The following FAM83E variants were observed in gnomAD, a reference collection of about 807,000 sequenced individuals.
FAM83E encodes the protein scaffolding CK1 anchoring protein E.
FAM83E carries 29 observed loss-of-function variants against 34.3 expected under a neutral mutation model. The observed-to-expected ratio is 0.85, with a 90% CI of 0.63 to 1.15. The LOEUF (loss-of-function observed/expected upper bound fraction) is 1.15, where lower values mean the gene tolerates loss of function less well. Ranked by LOEUF, FAM83E falls within the 50% of genes most tolerant of loss-of-function variation. The pLI is 0.00. For missense variants in FAM83E, 697 were observed against 685.0 expected, an observed-to-expected ratio of 1.02 and a Z score of -0.20; for synonymous variants, 312 against 311.6, an observed-to-expected ratio of 1.00 and a Z score of -0.01.
Position 48,601,250 on chromosome 19 carries a change from G to A in FAM83E, c.1296C>T (p.Pro432=), listed in dbSNP as rs759428572. The A allele has an allele frequency of 1.4e-5, 23 of 1,603,866 alleles. No individual in the cohort carries two copies. In the South Asian group the frequency reaches 2.4e-4, roughly 17 times the overall value. ...AGCGGAGGCGGTGGGCGGGGGGCAG[G>A]GGCAGGGCACCGCCCCACGGAGGTC... ...DSRPPWGGAL[P]LPPAHRLRYL... is the part of the protein sequence containing the mutation. Residue 432 remains proline, a synonymous_variant, in exon 7 of 7, where the codon CCC becomes CCT. Transcript: ENST00000263266.
Position 48,613,187 on chromosome 19 carries a change from A to C in FAM83E, c.186T>G (p.Asp62Glu), listed in dbSNP as rs772351706. The change falls in exon 3 of 7, where the codon GAT becomes GAG. Residue 62 changes from aspartate to glutamate, a missense_variant. Coordinates refer to ENST00000263266, the MANE Select transcript of FAM83E (RefSeq NM_017708.4). ...REELWPFLSA[D>E]EVQGLAAAAE... ...CTGCCGCTGCCAAGCCCTGAACCTC[A>C]TCCGCACTGAGGAAGGGCCACAGCT... is the stretch of plus-strand genomic sequence containing the variant. The C allele has an allele frequency of 4.4e-5, 71 of 1,611,662 alleles. 1 individual carries two copies. Among genetic ancestry groups the C allele is most frequent in the Non-Finnish European group, 7.6e-6 (9 of 1,179,924 alleles).
Position 48,607,248 on chromosome 19 carries a change from C to T in FAM83E, c.758+2628G>A, listed in dbSNP as rs146857254. 3 of 1,609,466 alleles carry T rather than the reference C, an allele frequency of 1.9e-6. No homozygotes were observed. In the African/African-American group the frequency reaches 4.0e-5, roughly 21 times the overall value. ...TCACCTACAGCCTCACCACCAACTG[C>T]TGCACCGGCCGCCTGTGTAACAGAG... On this transcript the variant is annotated intron_variant, in intron 5 of 6. Coordinates refer to ENST00000263266, the MANE Select transcript of FAM83E (RefSeq NM_017708.4).
rs768756786 is a variant in FAM83E at position 48,601,764 on chromosome 19, CA to C, written c.1177-396del. Among the ~76,000 whole-genome samples, 237 of 109,076 alleles carry C rather than the reference CA, an allele frequency of 2.2e-3. 5 individuals carry two copies. The highest frequency in any genetic ancestry group is 0.018 in the East Asian group (65 of 3,676). 71.6% of individuals were successfully genotyped at this position (109,076 alleles called of 152,430 possible). A position where few individuals can be genotyped will look rare whatever the true frequency, so the allele number is the denominator to read the frequency against. On this transcript the variant is annotated intron_variant, in intron 6 of 6. Transcript: ENST00000263266. ...TGGGCATCAGAACAAGACTCAGTCT[CA>C]AAAAAAAAAAAAGGAAGTGATAGAG...
In FAM83E at chr19:48,601,289, C is replaced by A. The variant is rs1237098255; in HGVS notation, c.1257G>T (p.Gly419=). 6.3e-7 allele frequency: 1 copy of A among 1,579,284 alleles called. No homozygotes were observed. Among genetic ancestry groups the A allele is most frequent in the African/African-American group, 1.3e-5 (1 of 74,232 alleles). Residue 419 remains glycine, a synonymous_variant, in exon 7 of 7, where the codon GGG becomes GGT. Coordinates refer to ENST00000263266, the MANE Select transcript of FAM83E (RefSeq NM_017708.4). ...RQRGTGGGPW[G]EVDSRPPWGG... is the part of the protein sequence containing the mutation. ...CCCACGGAGGTCGGGAGTCCACTTC[C>A]CCCCAGGGGCCTCCTCCAGTGCCCC...
In FAM83E at chr19:48,614,282, TGTGA is replaced by T. The variant is rs1196933645; in HGVS notation, c.-914_-911del. 4 of 985,428 alleles carry T rather than the reference TGTGA, an allele frequency of 4.1e-6. No homozygotes were observed. In the East Asian group the frequency reaches 3.4e-4, roughly 84 times the overall value. The allele number at this position is 985,428 out of a possible 1,614,324, so 61.0% of individuals were successfully genotyped here. A position where few individuals can be genotyped will look rare whatever the true frequency, so the allele number is the denominator to read the frequency against. On this transcript the variant is annotated 5_prime_UTR_variant, in exon 3 of 7. Transcript: ENST00000263266. ...CTATGATCTTCACAGCCCATCTAGG[TGTGA>T]GTGCCACCTAACCAGCCACCCTCCT...
At chr19:48,610,989 G>A in intron 3 of FAM83E, 142 bp from the exon 4 acceptor site, 1 of 782,590 alleles carries the variant, frequency 1.3e-6, no homozygotes, top group East Asian at 2.7e-5. Context: ...TGGGCTAAAG[G>A]GGAGACCCCC....
intron 5 of FAM83E, chr19:48,606,646 C>G: frequency 3.2e-6 from 1 of 311,812 alleles, no homozygotes; most frequent in Non-Finnish European, 6.0e-6. Flanking sequence ...GTCGGCGGGG[C>G]AGGCCACCCC....
rs374559525 is a variant in FAM83E, at chr19:48,610,661, C to T, written c.633+19G>A. 2.6e-6 allele frequency: 4 copies of T among 1,552,754 alleles called. No homozygotes were observed. Among genetic ancestry groups the T allele is most frequent in the Non-Finnish European group, 3.5e-6 (4 of 1,148,174 alleles). On this transcript the variant is annotated intron_variant, in intron 4 of 6. Coordinates refer to ENST00000263266, the MANE Select transcript of FAM83E (RefSeq NM_017708.4). The stretch of plus-strand genomic sequence containing the variant: ...CCAGGGGAATGGGGACTCACAGGAC[C>T]CCCTGGCCCGGCCCCTACCTCCGTG...
At position 48,602,141 on chromosome 19, in the gene FAM83E, C is replaced by CAA. The variant is rs35272146; in HGVS notation, c.1177-774_1177-773dup. Reference sequence around the variant, plus strand: ...TGGGAGACAGAGCGAGACCCTATCTCAAAAAAAAAAAAAAAAAAAAAAAAT... The same window carrying CAA: ...TGGGAGACAGAGCGAGACCCTATCTCAAAAAAAAAAAAAAAAAAAAAAAAAAT... On this transcript the variant is annotated intron_variant, in intron 6 of 6. Transcript: ENST00000263266. Among the ~76,000 whole-genome samples, 261 of 41,464 alleles carry CAA rather than the reference C, an allele frequency of 6.3e-3. 2 individuals are homozygous for CAA. The highest frequency in any genetic ancestry group is 0.01 in the African/African-American group (92 of 9,054). The allele number at this position is 41,464 out of a possible 152,430, so 27.2% of individuals were successfully genotyped here.
At position 48,610,789 on chromosome 19, in the gene FAM83E, T is replaced by C. The variant is rs1176341227; in HGVS notation, c.524A>G (p.Asp175Gly). 5 of 1,590,746 alleles carry C rather than the reference T, an allele frequency of 3.1e-6. No individual in the cohort carries two copies. Among genetic ancestry groups the C allele is most frequent in the Non-Finnish European group, 3.4e-6 (4 of 1,168,770 alleles). Residue 175 changes from aspartate to glycine, a missense_variant, in exon 4 of 7, where the codon GAT becomes GGT. By Grantham distance (94) the Asp-to-Gly change is moderately conservative. Transcript: ENST00000263266. The part of the protein sequence containing the change: ...TDPDLLLDLV[D>G]AATRRWVPVY... ...AGGTACCCAGCGGCGCGTGGCAGCA[T>C]CCACCAAGTCCAAAAGCAGGTCTGG...
chr19:48,609,778 A>C, intron 5 of FAM83E, 98 bp downstream of exon 5: 1 of 1,353,502 alleles, frequency 7.4e-7, no homozygotes, highest in South Asian at 1.3e-5. Flanking sequence ...ATGAGAAAAG[A>C]GAGGCCTGGG....
chr19:48,603,954 G>A, intron 5 of FAM83E, 43 bp from the exon 6 acceptor site: 1 of 1,560,496 alleles, frequency 6.4e-7, no homozygotes, highest in Non-Finnish European at 8.7e-7. Context: ...CAACCCTGAG[G>A]GCCCAGCCCG....
chr19:48,610,858 G>C lies in FAM83E; in HGVS notation c.466-11C>G. Reference sequence around the variant, plus strand: ...GACCACGGCCACCAGCTGGGCATGGGGAGAGGGGCGGTGGGCTTGTGAACG... The same window carrying C: ...GACCACGGCCACCAGCTGGGCATGGCGAGAGGGGCGGTGGGCTTGTGAACG... On this transcript the variant is annotated splice_polypyrimidine_tract_variant and intron_variant, in intron 3 of 6. Coordinates refer to ENST00000263266, the MANE Select transcript of FAM83E (RefSeq NM_017708.4). 6.3e-7 allele frequency: 1 copy of C among 1,584,310 alleles called. No homozygotes were observed. Among genetic ancestry groups the C allele is most frequent in the South Asian group, 1.2e-5 (1 of 86,674 alleles).
Position 48,613,891 on chromosome 19 carries a change from G to A in FAM83E, c.-519C>T, listed in dbSNP as rs1974095577. 1.0e-6 allele frequency: 1 copy of A among 985,284 alleles called. No individual in the cohort carries two copies. The highest frequency in any genetic ancestry group is 1.7e-5 in the African/African-American group (1 of 57,212). 61.0% of individuals were successfully genotyped at this position (985,284 alleles called of 1,614,324 possible). A position where few individuals can be genotyped will look rare whatever the true frequency, so the allele number is the denominator to read the frequency against. On this transcript the variant is annotated 5_prime_UTR_variant, in exon 3 of 7. Transcript: ENST00000263266. ...CTCTAATCACCCAAAGGTCCTTAAA[G>A]GCACGACAGGTTGCCTGCCTGCCCC... is the stretch of plus-strand genomic sequence containing the variant.
At chr19:48,602,686 CAA>C (rs746923737) in intron 6 of FAM83E, among the ~76,000 whole-genome samples, 188 of 4,986 alleles carry the variant, frequency 0.038, 1 homozygote, top group South Asian at 0.062. Context: ...GACCCTATCT[CAA>C]AAAAAAAAAA....
chr19:48,606,941 C>A (rs373402072), intron 5 of FAM83E: 1 of 1,589,956 alleles, frequency 6.3e-7, no homozygotes, highest in African/African-American at 1.3e-5. Context: ...GGGAAGCCCA[C>A]GGCCTGGCTG....
At chr19:48,606,172 G>C (rs1973926145) in intron 5 of FAM83E, among the ~76,000 whole-genome samples, 1 of 152,114 alleles carries the variant, frequency 6.6e-6, no homozygotes, top group African/African-American at 2.4e-5. Context: ...TTAGCCAGAT[G>C]TGGTTGCATG....
chr19:48,603,595 G>A lies in FAM83E; in HGVS notation c.1075C>T (p.Arg359Cys), dbSNP rs1258861491. The A allele has an allele frequency of 1.0e-5, 16 of 1,533,208 alleles. 1 individual carries two copies. The highest frequency in any genetic ancestry group is 6.0e-5 in the South Asian group (5 of 84,000). The allele number at this position is 1,533,208 out of a possible 1,614,324, so 95.0% of individuals were successfully genotyped here. A position where few individuals can be genotyped will look rare whatever the true frequency, so the allele number is the denominator to read the frequency against. Residue 359 changes from arginine to cysteine, a missense_variant, in exon 6 of 7, where the codon CGC becomes TGC. By Grantham distance (180) the Arg-to-Cys change is radical. Coordinates refer to ENST00000263266, the MANE Select transcript of FAM83E (RefSeq NM_017708.4). ...ALSDILRSVQ[R>C]ARTPSGPPAR... ...GGGGGGCCGCTGGGGGTCCGGGCGC[G>A]CTGCACACTCCTTAGAATGTCACTG... is the stretch of plus-strand genomic sequence containing the variant.
Position 48,614,413 on chromosome 19 carries a change from G to A in FAM83E, c.-1041C>T. ...CCAAGCTGCCCCCAGCCTGGTTTCT[G>A]CCTAAATGCTATCTCCTGCCAGCTA... is the stretch of plus-strand genomic sequence containing the variant. On this transcript the variant is annotated 5_prime_UTR_variant, in exon 3 of 7. Coordinates refer to ENST00000263266, the MANE Select transcript of FAM83E (RefSeq NM_017708.4). 1 of 985,600 alleles carries A rather than the reference G, an allele frequency of 1.0e-6. No individual in the cohort carries two copies. Among genetic ancestry groups the A allele is most frequent in the Non-Finnish European group, 1.2e-6 (1 of 830,156 alleles). The allele number at this position is 985,600 out of a possible 1,614,324, so 61.1% of individuals were successfully genotyped here. A position where few individuals can be genotyped will look rare whatever the true frequency, so the allele number is the denominator to read the frequency against.
Sources: allele counts gnomAD v4.1 joint callset (sites outside exome capture counted in the v4.1 genomes callset), GRCh38; gene constraint gnomAD v4.1.1; transcripts MANE v1.5; gene names NCBI Gene and HGNC (gene_info 2026-07-23, HGNC 2026-07-21).